The following PILRA variants were observed in gnomAD, a reference collection of about 807,000 sequenced individuals.
PILRA encodes paired immunoglobin like type 2 receptor alpha.
In PILRA, 37 loss-of-function variants were observed where a neutral mutation model predicts 33.1. The ratio of observed to expected loss-of-function variants is 1.12; its 90% CI spans 0.86 to 1.47. The LOEUF is 1.47. Ranked by LOEUF, PILRA falls within the 40% of genes most tolerant of loss-of-function variation. The probability of loss-of-function intolerance (pLI) is 0.00; values close to 1 mark genes in which losing one functional copy is unlikely to be tolerated. For synonymous variants in PILRA, 146 were observed against 149.9 expected (o/e 0.97, Z 0.19); for missense variants, 312 against 376.2 (o/e 0.83, Z 1.41).
At chr7:100,382,188 T>G (rs1791121094) in intron 2 of PILRA, among the ~76,000 whole-genome samples, 2 of 152,338 alleles carry the variant, frequency 1.3e-5, no homozygotes, top group Non-Finnish European at 2.9e-5. Context: ...TGAAGCCAGC[T>G]GGGCTCCTGA....
In PILRA at chr7:100,399,930, CTGAA is replaced by C; in HGVS notation, c.*26_*29del. 1.9e-6 allele frequency: 3 copies of C among 1,575,680 alleles called. No homozygotes were observed. Among genetic ancestry groups the C allele is most frequent in the Non-Finnish European group, 2.6e-6 (3 of 1,160,792 alleles). ...TAACCAATGGACAGCCCTCTCAAGA[CTGAA>C]TGGTGAGGCCAGGTACAGTGGCGCA... On this transcript the variant is annotated 3_prime_UTR_variant, in exon 7 of 7. Coordinates refer to ENST00000198536, the MANE Select transcript of PILRA (RefSeq NM_013439.3).
At chr7:100,391,165 C>CAATAATAAT (rs201101077) in intron 3 of PILRA, among the ~76,000 whole-genome samples, 3 of 141,122 alleles carry the variant, frequency 2.1e-5, no homozygotes, top group South Asian at 2.2e-4. Flanking sequence ...ATAATAATAA[C>CAATAATAAT]AATAATAATA....
At chr7:100,379,668 CAAAAAAAA>C (rs57322009) in intron 2 of PILRA, among the ~76,000 whole-genome samples, 2 of 69,050 alleles carry the variant, frequency 2.9e-5, no homozygotes, top group African/African-American at 5.6e-5. Flanking sequence ...ACTCTGTCTC[CAAAAAAAA>C]AAAAAAAAAA....
At chr7:100,373,411 G>C, upstream of PILRA, 1 of 593,144 alleles carries the variant, frequency 1.7e-6, no homozygotes, top group Non-Finnish European at 3.0e-6. Context: ...GGGCAGGGCT[G>C]ACTTGGCACT....
At chr7:100,399,178 A>G (rs1374756528) in intron 4 of PILRA, 113 bp from the exon 5 acceptor site, 2 of 678,212 alleles carry the variant, frequency 2.9e-6, no homozygotes, top group African/African-American at 1.8e-5. Flanking sequence ...GGATCAAGCA[A>G]TGGCCACCTG....
At chr7:100,399,665 G>A in intron 6 of PILRA, 53 bp downstream of exon 6, 1 of 1,612,328 alleles carries the variant, frequency 6.2e-7, no homozygotes, top group Admixed American at 1.7e-5. Flanking sequence ...TGGAGAAGGT[G>A]GGGTGGAAGG....
chr7:100,377,226 TATTTC>T (rs1790971658), intron 2 of PILRA, among the ~76,000 whole-genome samples: 1 of 147,182 alleles, frequency 6.8e-6, no homozygotes, highest in African/African-American at 2.5e-5. Flanking sequence ...GTCACTTTTC[TATTTC>T]TTTTTTTTTT....
intron 2 of PILRA, among the ~76,000 whole-genome samples, chr7:100,380,129 TCTG>T (rs1791055226): frequency 6.6e-6 from 1 of 152,190 alleles, no homozygotes; most frequent in African/African-American, 2.4e-5. Flanking sequence ...CCAGAGGGCC[TCTG>T]GGGGAGCACC....
chr7:100,399,158 T>C, intron 4 of PILRA, 133 bp from the exon 5 acceptor site: 1 of 618,384 alleles, frequency 1.6e-6, no homozygotes. Context: ...AGGCTGGTCT[T>C]GTACTCCTGG....
chr7:100,377,854 G>C (rs915210735), intron 2 of PILRA, among the ~76,000 whole-genome samples: 7 of 152,072 alleles, frequency 4.6e-5, no homozygotes, highest in Non-Finnish European at 7.4e-5. Flanking sequence ...CCCATTTATT[G>C]CATTTTTATC....
intron 2 of PILRA, among the ~76,000 whole-genome samples, chr7:100,388,042 A>G (rs1791291880): frequency 6.6e-6 from 1 of 152,170 alleles, no homozygotes; most frequent in Non-Finnish European, 1.5e-5. Flanking sequence ...CATACAATGA[A>G]TTTAGCTTAG....
At chr7:100,381,434 G>A (rs1165739270) in intron 2 of PILRA, among the ~76,000 whole-genome samples, 19 of 109,682 alleles carry the variant, frequency 1.7e-4, no homozygotes, top group Non-Finnish European at 2.9e-4. Context: ...GACAGAGTGA[G>A]ATCCTGACTC....
Position 100,373,636 on chromosome 7 carries a change from C to A in PILRA, c.-21C>A, listed in dbSNP as rs769839563. On this transcript the variant is annotated 5_prime_UTR_variant, in exon 1 of 7. Coordinates refer to ENST00000198536, the MANE Select transcript of PILRA (RefSeq NM_013439.3). ...TGGACGGCTCTGCTGGTCTCCCCGT[C>A]CCCTGGAGAAGAACAAGGCCATGGG... The A allele has an allele frequency of 1.2e-6, 2 of 1,613,374 alleles. No individual in the cohort carries two copies. Among genetic ancestry groups the A allele is most frequent in the South Asian group, 2.2e-5 (2 of 91,084 alleles).
chr7:100,389,854 G>T (rs373841236), intron 2 of PILRA, 34 bp from the exon 3 acceptor site: 12 of 1,587,892 alleles, frequency 7.6e-6, no homozygotes, highest in South Asian at 2.2e-5. Flanking sequence ...TGTGCCCCCA[G>T]GGGAGGGTCT....
At chr7:100,382,076 C>T (rs966634709) in intron 2 of PILRA, among the ~76,000 whole-genome samples, 4 of 151,706 alleles carry the variant, frequency 2.6e-5, no homozygotes, top group Non-Finnish European at 4.4e-5. Context: ...CCCTGCTCCA[C>T]GGCGCCCGGT....
chr7:100,377,701 G>A (rs1051509323), intron 2 of PILRA, among the ~76,000 whole-genome samples: 5 of 151,976 alleles, frequency 3.3e-5, no homozygotes, highest in African/African-American at 1.2e-4. Flanking sequence ...AGCCAAGATC[G>A]CATCACTGCA....
chr7:100,372,467 G>A (rs1369246889), upstream of PILRA, among the ~76,000 whole-genome samples: 1 of 152,124 alleles, frequency 6.6e-6, no homozygotes, highest in Admixed American at 6.5e-5. Context: ...CTCAACTGAT[G>A]CCACCTCACC....
intron 2 of PILRA, among the ~76,000 whole-genome samples, chr7:100,378,488 T>C (rs1237277356): frequency 1.3e-5 from 2 of 150,846 alleles, no homozygotes; most frequent in African/African-American, 5.0e-5. Flanking sequence ...GTCAGTTGCA[T>C]TAAACCTATT....
At chr7:100,381,567 A>C (rs1215845440) in intron 2 of PILRA, among the ~76,000 whole-genome samples, 2 of 152,202 alleles carry the variant, frequency 1.3e-5, no homozygotes, top group Non-Finnish European at 2.9e-5. Context: ...GAGAGGTGAC[A>C]GCGTGCTGTC....
Sources: gnomAD v4.1 joint callset for allele counts (sites outside exome capture counted in the v4.1 genomes callset) on GRCh38, gnomAD v4.1.1 for gene constraint, MANE v1.5 for transcripts, NCBI Gene and HGNC (gene_info 2026-07-23, HGNC 2026-07-21) for gene names.